Variants in PRDM16 observed in about 807,000 individuals in gnomAD.
The protein encoded by PRDM16 is histone-lysine N-methyltransferase PRDM16.
A neutral mutation model predicts 110.6 loss-of-function variants in PRDM16; 23 were observed. The ratio of observed to expected loss-of-function variants is 0.21; its 90% CI spans 0.15 to 0.29. The LOEUF is 0.29. Among genes scored for constraint, PRDM16 ranks in the 10% least tolerant of loss-of-function variants. PRDM16 has a pLI of 1.00. For synonymous variants in PRDM16, 799 were observed against 781.8 expected (o/e 1.02, Z -0.37); for missense variants, 1,615 against 1,794.3 (o/e 0.90, Z 1.81).
intron 3 of PRDM16, among the ~76,000 whole-genome samples, chr1:3,266,275 C>T (rs997239849): frequency 5.3e-5 from 8 of 152,150 alleles, no homozygotes; most frequent in African/African-American, 1.9e-4. Context: ...TTCCACGGAT[C>T]GGGCGGGCCT....
chr1:3,122,258 T>C (rs1643111480), intron 1 of PRDM16, among the ~76,000 whole-genome samples: 1 of 152,004 alleles, frequency 6.6e-6, no homozygotes, highest in African/African-American at 2.4e-5. Flanking sequence ...TAATCGACCC[T>C]TGAGATGCTG....
chr1:3,183,985 A>G (rs1644239497), intron 1 of PRDM16, among the ~76,000 whole-genome samples: 1 of 151,352 alleles, frequency 6.6e-6, no homozygotes, highest in Non-Finnish European at 1.5e-5. Flanking sequence ...ACAAGATGCC[A>G]TGTTAATTAC....
intron 12 of PRDM16, among the ~76,000 whole-genome samples, chr1:3,422,506 C>T (rs1042710177): frequency 8.5e-5 from 13 of 152,226 alleles, no homozygotes; most frequent in Admixed American, 1.3e-4. Flanking sequence ...GCTTTGCATC[C>T]GGGCTGGAGA....
At chr1:3,217,006 C>A (rs1361984330) in intron 2 of PRDM16, among the ~76,000 whole-genome samples, 1 of 152,244 alleles carries the variant, frequency 6.6e-6, no homozygotes, top group African/African-American at 2.4e-5. Context: ...TAGCACTGTT[C>A]CATGTCCAAA....
chr1:3,433,771 C>A lies in PRDM16; in HGVS notation c.3791C>A (p.Thr1264Lys). The A allele has an allele frequency of 6.2e-7, 1 of 1,613,866 alleles. No individual in the cohort carries two copies. The highest frequency in any genetic ancestry group is 8.5e-7 in the Non-Finnish European group (1 of 1,179,926). Residue 1264 changes from threonine (T) to lysine (K), a missense_variant, in exon 17 of 17, where the codon ACG (threonine) becomes AAG (lysine). Physicochemically the swap from Thr to Lys is moderately conservative, Grantham distance 78. Coordinates refer to ENST00000270722, the MANE Select transcript of PRDM16 (RefSeq NM_022114.4). ...LDAWLKVTGA[T>K]SESGAFHPIN... The stretch of plus-strand genomic sequence containing the variant: ...GCTTGGTTGAAGGTCACTGGAGCCA[C>A]GTCGGAGTCTGGAGCATTTCACCCC...
chr1:3,172,057 C>A (rs1053604846), intron 1 of PRDM16, among the ~76,000 whole-genome samples: 31 of 152,186 alleles, frequency 2.0e-4, no homozygotes, highest in African/African-American at 7.5e-4. Context: ...CCTTATGCTG[C>A]TGTGGGCCCT....
At chr1:3,181,384 A>ACG (rs1553141031) in intron 1 of PRDM16, among the ~76,000 whole-genome samples, 3 of 14,714 alleles carry the variant, frequency 2.0e-4, no homozygotes, top group South Asian at 2.9e-3. Flanking sequence ...AGTCTTACAC[A>ACG]CGGCCTTACG....
chr1:3,361,299 C>T (rs1477885697), intron 3 of PRDM16, among the ~76,000 whole-genome samples: 5 of 152,098 alleles, frequency 3.3e-5, no homozygotes, highest in Admixed American at 6.5e-5. Flanking sequence ...GGGCTGGAGA[C>T]GGGGTCTCTG....
At chr1:3,299,334 C>T (rs1361333766) in intron 3 of PRDM16, among the ~76,000 whole-genome samples, 3 of 98,096 alleles carry the variant, frequency 3.1e-5, no homozygotes, top group African/African-American at 9.1e-5. Flanking sequence ...GTGACTCTGC[C>T]CTTGTTGAAG....
chr1:3,164,958 G>A (rs1257284862), intron 1 of PRDM16, among the ~76,000 whole-genome samples: 1 of 152,220 alleles, frequency 6.6e-6, no homozygotes, highest in Non-Finnish European at 1.5e-5. Context: ...CCTCCGCCCT[G>A]CACAGGCCTC....
intron 1 of PRDM16, among the ~76,000 whole-genome samples, chr1:3,185,345 A>C (rs529323232): frequency 4.6e-5 from 7 of 152,284 alleles, no homozygotes; most frequent in African/African-American, 1.7e-4. Context: ...TCCGATATCC[A>C]TGACCTCAGC....
chr1:3,192,683 T>A (rs1240438497), intron 2 of PRDM16, among the ~76,000 whole-genome samples: 1 of 152,096 alleles, frequency 6.6e-6, no homozygotes, highest in Non-Finnish European at 1.5e-5. Context: ...GCGACCCTGT[T>A]TTAACCAAGC....
At chr1:3,130,665 G>T (rs756984997) in intron 1 of PRDM16, among the ~76,000 whole-genome samples, 1 of 151,540 alleles carries the variant, frequency 6.6e-6, no homozygotes, top group African/African-American at 2.4e-5. Flanking sequence ...CTTTGGGGAC[G>T]TTTGTCTTCA....
intron 3 of PRDM16, among the ~76,000 whole-genome samples, chr1:3,368,962 G>A (rs1642864127): frequency 6.6e-6 from 1 of 152,338 alleles, no homozygotes; most frequent in South Asian, 2.1e-4. Context: ...CGTGGGGTTG[G>A]CGGATGCAGT....
intron 2 of PRDM16, among the ~76,000 whole-genome samples, chr1:3,234,341 G>T (rs1370048544): frequency 6.6e-6 from 1 of 152,118 alleles, no homozygotes; most frequent in Non-Finnish European, 1.5e-5. Flanking sequence ...CCGGGGCCCT[G>T]ACACGGAGCC....
intron 3 of PRDM16, among the ~76,000 whole-genome samples, chr1:3,279,174 G>A (rs536579165): frequency 5.6e-4 from 85 of 152,304 alleles, no homozygotes; most frequent in Non-Finnish European, 8.2e-4. Flanking sequence ...GCCTCGAAGC[G>A]TCGCTCACCA....
intron 4 of PRDM16, among the ~76,000 whole-genome samples, chr1:3,393,563 A>T (rs925205367): frequency 4.6e-5 from 7 of 152,220 alleles, no homozygotes; most frequent in Non-Finnish European, 1.0e-4. Flanking sequence ...CTCTCGAGCC[A>T]GGAGCCGGCG....
At chr1:3,204,316 G>A (rs1327856133) in intron 2 of PRDM16, among the ~76,000 whole-genome samples, 5 of 152,258 alleles carry the variant, frequency 3.3e-5, no homozygotes, top group Non-Finnish European at 5.9e-5. Context: ...TGTGGACCCC[G>A]CCTGCTCCCC....
chr1:3,243,084 C>T lies in PRDM16; in HGVS notation c.388-1003C>T, dbSNP rs1204258109. Reference sequence around the variant, plus strand: ...TCTCCAGAGCCAAAGAACGTTCCGGCTGGAGCGACCTGGGAGGAAGAACGA... The same window carrying T: ...TCTCCAGAGCCAAAGAACGTTCCGGTTGGAGCGACCTGGGAGGAAGAACGA... On this transcript the variant is annotated intron_variant, in intron 2 of 16. Coordinates refer to ENST00000270722, the MANE Select transcript of PRDM16 (RefSeq NM_022114.4). The surrounding 1 kb of genome is among the most constrained non-coding windows in gnomAD (Gnocchi z 5.5). Among the ~76,000 whole-genome samples, 1 of 152,162 alleles carries T rather than the reference C, an allele frequency of 6.6e-6. No homozygotes were observed. The highest frequency in any genetic ancestry group is 2.4e-5 in the African/African-American group (1 of 41,444).
Sources: gnomAD v4.1 joint callset for allele counts (sites outside exome capture counted in the v4.1 genomes callset) on GRCh38, gnomAD v4.1.1 for gene constraint, Gnocchi (gnomAD v3.1) non-coding constraint, MANE v1.5 for transcripts, NCBI Gene and HGNC (gene_info 2026-07-23, HGNC 2026-07-21) for gene names.